The following TLR3 variants were observed in gnomAD, a reference collection of about 807,000 sequenced individuals.
The protein encoded by TLR3 is toll-like receptor 3.
Under a neutral mutation model 66.4 loss-of-function variants are expected in TLR3, and 43 were observed. That is an observed-to-expected ratio of 0.65 (90% CI 0.51 to 0.83). The LOEUF (loss-of-function observed/expected upper bound fraction) is 0.83, where lower values mean the gene tolerates loss of function less well. Among genes scored for constraint, TLR3 ranks in the 40% least tolerant of loss-of-function variants. TLR3 has a pLI of 0.00. For synonymous variants in TLR3, 397 were observed against 397.2 expected (o/e 1.00, Z 0.01); for missense variants, 982 against 1,044.6 (o/e 0.94, Z 0.83).
rs752550083 is a variant in TLR3 at position 186,082,313 on chromosome 4, C to A, written c.634-7C>A. On this transcript the variant is annotated splice_polypyrimidine_tract_variant and splice_region_variant and intron_variant, in intron 3 of 4. Coordinates refer to ENST00000296795, the MANE Select transcript of TLR3 (RefSeq NM_003265.3). ...ATTGTTAACCTCTTTTTTTTTCCTA[C>A]CTTTAGTTTTCTCCAGGGTGTTTTC... 1.3e-6 allele frequency: 2 copies of A among 1,511,574 alleles called. No homozygotes were observed. Among genetic ancestry groups the A allele is most frequent in the South Asian group, 1.1e-5 (1 of 89,308 alleles). 93.6% of individuals were successfully genotyped at this position (1,511,574 alleles called of 1,614,324 possible). A position where few individuals can be genotyped will look rare whatever the true frequency, so the allele number is the denominator to read the frequency against.
In TLR3 at chr4:186,087,691, A is replaced by G. The variant is rs2099304584; in HGVS notation, c.*2818A>G. 1 of 152,192 alleles carries G rather than the reference A, an allele frequency of 6.6e-6. No homozygotes were observed. 9.4% of individuals were successfully genotyped at this position (152,192 alleles called of 1,614,324 possible). On this transcript the variant is annotated 3_prime_UTR_variant, in exon 5 of 5. Coordinates refer to ENST00000296795, the MANE Select transcript of TLR3 (RefSeq NM_003265.3). ...TTAGTGAGGAGGGGAGGAGTTTTCG[A>G]TGCCACTTAGTTTACAATGTCTAAT...
chr4:186,073,349 G>T (rs1271952880), intron 1 of TLR3, among the ~76,000 whole-genome samples: 2 of 152,014 alleles, frequency 1.3e-5, no homozygotes, highest in Non-Finnish European at 2.9e-5. Context: ...GTGAAACCCT[G>T]TCTCTACTAC....
At chr4:186,077,852 A>T (rs1009069672) in intron 2 of TLR3, among the ~76,000 whole-genome samples, 22 of 151,614 alleles carry the variant, frequency 1.5e-4, no homozygotes, top group Non-Finnish European at 2.5e-4. Flanking sequence ...AACGCATGTT[A>T]TTGTTTCTAA....
intron 1 of TLR3, among the ~76,000 whole-genome samples, chr4:186,070,417 C>T (rs746898028): frequency 6.6e-6 from 1 of 152,098 alleles, no homozygotes; most frequent in Non-Finnish European, 1.5e-5. Context: ...CAAGGTCTCG[C>T]TGTGTTGCCC....
intron 1 of TLR3, among the ~76,000 whole-genome samples, chr4:186,076,217 G>A (rs1464586318): frequency 6.6e-6 from 1 of 152,108 alleles, no homozygotes; most frequent in African/African-American, 2.4e-5. Flanking sequence ...GAAAAGTTGT[G>A]AATAGAATGA....
chr4:186,078,435 T>C (rs2099302817), intron 2 of TLR3, among the ~76,000 whole-genome samples: 1 of 152,200 alleles, frequency 6.6e-6, no homozygotes, highest in Non-Finnish European at 1.5e-5. Context: ...TTTCTGATAC[T>C]TATTTTCAAG....
In TLR3 at chr4:186,083,026, T is replaced by A. The variant is rs774023990; in HGVS notation, c.1340T>A (p.Leu447His). Residue 447 changes from leucine to histidine, a missense_variant, in exon 4 of 5, where the codon CTC becomes CAC. Leu to His is a moderately conservative substitution (Grantham distance 99). Transcript: ENST00000296795. The surrounding 1 kb of genome is among the most constrained non-coding windows in gnomAD (Gnocchi z 4.0). ...DLGLNEIGQE[L>H]TGQEWRGLEN... is the part of the protein sequence containing the mutation. Reference sequence around the variant, plus strand: ...GGCCTTAATGAAATTGGGCAAGAACTCACAGGCCAGGAATGGAGAGGTCTA... The same window carrying A: ...GGCCTTAATGAAATTGGGCAAGAACACACAGGCCAGGAATGGAGAGGTCTA... 5.0e-6 allele frequency: 8 copies of A among 1,614,212 alleles called. No homozygotes were observed. Among genetic ancestry groups the A allele is most frequent in the Non-Finnish European group, 6.8e-6 (8 of 1,180,044 alleles).
chr4:186,075,608 T>C (rs1540793), intron 1 of TLR3, among the ~76,000 whole-genome samples: 148,977 of 152,150 alleles, frequency 0.98, 73,018 homozygotes, highest in Non-Finnish European at 1. Context: ...CCAGCCTGGG[T>C]GACAGAGTGA....
chr4:186,069,632 A>G (rs2150064810), intron 1 of TLR3, among the ~76,000 whole-genome samples: 1 of 152,374 alleles, frequency 6.6e-6, no homozygotes, highest in East Asian at 1.9e-4. Context: ...AGAGGTTAAA[A>G]GAGCGTATCC....
intron 3 of TLR3, 136 bp downstream of exon 3, chr4:186,079,167 G>C (rs1879026): frequency 2.9e-5 from 24 of 840,282 alleles, no homozygotes; most frequent in Non-Finnish European, 4.3e-5. Context: ...CTGCTTGGGG[G>C]CATTGGTGTC....
rs1459581306 is a variant in TLR3, at chr4:186,078,730, TAG to T, written c.442-105_442-104del. ...TTACTGTTAGTATTCTACAGAATAA[TAG>T]AGAGGTGTTGATTTTGCTGTTGAAG... On this transcript the variant is annotated intron_variant, in intron 2 of 4. Transcript: ENST00000296795. 7.3e-6 allele frequency: 6 copies of T among 825,900 alleles called. No individual in the cohort carries two copies. The South Asian group carries it at 7.7e-5, about 11-fold the overall frequency. The allele number at this position is 825,900 out of a possible 1,614,324, so 51.2% of individuals were successfully genotyped here.
chr4:186,076,101 C>G (rs1265278326), intron 1 of TLR3, among the ~76,000 whole-genome samples: 1 of 152,058 alleles, frequency 6.6e-6, no homozygotes, highest in Non-Finnish European at 1.5e-5. Context: ...TTGCAGTGAG[C>G]CGAGATTGCA....
chr4:186,082,640 G>C lies in TLR3; in HGVS notation c.954G>C (p.Leu318Phe), dbSNP rs984268192. The change falls in exon 4 of 5, where the codon TTG becomes TTC. Residue 318 changes from leucine to phenylalanine, a missense_variant. Around this residue, in one of 3 missense-constraint regions of TLR3, gnomAD observed 666 missense variants for 709.0 expected, o/e 0.94. Coordinates refer to ENST00000296795, the MANE Select transcript of TLR3 (RefSeq NM_003265.3). Reference protein sequence around the residue: ...NNIQHLFSHSLHGLFNVRYLN... With the variant: ...NNIQHLFSHSFHGLFNVRYLN... ...TACAGCATTTGTTTTCTCACTCTTT[G>C]CACGGGCTTTTCAATGTGAGGTACC... The C allele has an allele frequency of 1.9e-6, 3 of 1,613,826 alleles. No homozygotes were observed. The highest frequency in any genetic ancestry group is 1.7e-5 in the Admixed American group (1 of 59,988).
chr4:186,074,105 G>T (rs1250076521), intron 1 of TLR3, among the ~76,000 whole-genome samples: 2 of 152,206 alleles, frequency 1.3e-5, no homozygotes, highest in African/African-American at 4.8e-5. Context: ...TTTCCCAAAG[G>T]ATCTGGCAGT....
chr4:186,078,814 A>T (rs763150222), intron 2 of TLR3, 26 bp from the exon 3 acceptor site: 1 of 1,595,762 alleles, frequency 6.3e-7, no homozygotes, highest in South Asian at 1.1e-5. Context: ...AGACTCTAAC[A>T]TATGCATATT....
intron 1 of TLR3, among the ~76,000 whole-genome samples, chr4:186,072,085 C>T (rs1044527917): frequency 6.6e-6 from 1 of 152,184 alleles, no homozygotes; most frequent in African/African-American, 2.4e-5. Flanking sequence ...AGTGCATTCT[C>T]ACATTGCTCT....
chr4:186,072,740 C>T (rs986005084), intron 1 of TLR3, among the ~76,000 whole-genome samples: 2 of 152,200 alleles, frequency 1.3e-5, no homozygotes, highest in Admixed American at 1.3e-4. Flanking sequence ...CCCACCAGCC[C>T]CCACCTCCAA....
intron 3 of TLR3, chr4:186,081,968 TA>T: frequency 3.4e-6 from 1 of 295,310 alleles, no homozygotes; most frequent in Non-Finnish European, 6.3e-6. Context: ...GGCTCAGGCC[TA>T]TAATCCCAGC....
Position 186,082,599 on chromosome 4 carries a change from C to T in TLR3, c.913C>T (p.Leu305=). 10 of 1,614,104 alleles carry T rather than the reference C, an allele frequency of 6.2e-6. No homozygotes were observed. The highest frequency in any genetic ancestry group is 8.5e-6 in the Non-Finnish European group (10 of 1,180,006). Reference sequence around the variant, plus strand: ...GCTTCCACAACTAGAATATTTCTTCCTAGAGTATAATAATATACAGCATTT... The same window carrying T: ...GCTTCCACAACTAGAATATTTCTTCTTAGAGTATAATAATATACAGCATTT... ...AWLPQLEYFF[L]EYNNIQHLFS... is the part of the protein sequence containing the mutation. Residue 305 remains leucine, a synonymous_variant, in exon 4 of 5, where the codon CTA becomes TTA. Transcript: ENST00000296795.
Sources: gnomAD v4.1 joint callset for allele counts (sites outside exome capture counted in the v4.1 genomes callset) on GRCh38, gnomAD v4.1.1 for gene constraint, gnomAD v4.1.1 regional missense constraint, Gnocchi (gnomAD v3.1) non-coding constraint, MANE v1.5 for transcripts, NCBI Gene and HGNC (gene_info 2026-07-23, HGNC 2026-07-21) for gene names.